Variants in CSMD1 observed in about 807,000 individuals in gnomAD.
CSMD1 encodes the protein CUB and Sushi multiple domains 1, also known as CUB and sushi domain-containing protein 1.
Under a neutral mutation model 417.5 loss-of-function variants are expected in CSMD1, and 213 were observed. That is an observed-to-expected ratio of 0.51 (90% confidence interval 0.46 to 0.57). CSMD1 has a LOEUF of 0.57. CSMD1 is among the 20% of genes least tolerant of loss of function. CSMD1 has a pLI of 0.00. For synonymous variants in CSMD1, 2,862 were observed against 1,736.8 expected, an observed-to-expected ratio of 1.65 and a Z score of -16.11; for missense variants, 6,923 against 4,529.7, an observed-to-expected ratio of 1.53 and a Z score of -15.17.
At position 4,028,508 on chromosome 8, in the gene CSMD1, GA is replaced by G. The variant is rs368939894; in HGVS notation, c.610+3396del. Among the ~76,000 whole-genome samples, 737 of 149,322 alleles carry G rather than the reference GA, an allele frequency of 4.9e-3. 4 individuals are homozygous for G. The highest frequency in any genetic ancestry group is 0.016 in the African/African-American group (666 of 40,724). On this transcript the variant is annotated intron_variant, in intron 4 of 69. Coordinates refer to ENST00000635120, the MANE Select transcript of CSMD1 (RefSeq NM_033225.6). The stretch of plus-strand genomic sequence containing the variant: ...AGACTCTAACATTTTACAAAAAAAG[GA>G]AAAAAAAATAGGCAAATATGCAATA...
At chr8:4,024,256 A>G (rs752277910) in intron 4 of CSMD1, among the ~76,000 whole-genome samples, 2 of 152,226 alleles carry the variant, frequency 1.3e-5, no homozygotes, top group African/African-American at 4.8e-5. Context: ...CAAGGTGTCA[A>G]TTGAGAAAGT....
intron 1 of CSMD1, among the ~76,000 whole-genome samples, chr8:4,761,128 G>C (rs1812013748): frequency 6.6e-6 from 1 of 151,974 alleles, no homozygotes; most frequent in African/African-American, 2.4e-5. Context: ...ATGCAAAAGA[G>C]TCTTCTACAC....
At chr8:3,112,054 C>G (rs1453675813) in intron 42 of CSMD1, among the ~76,000 whole-genome samples, 1 of 151,942 alleles carries the variant, frequency 6.6e-6, no homozygotes, top group African/African-American at 2.4e-5. Context: ...CTCTAGAGGT[C>G]CAGGCTCTGC....
chr8:4,644,822 G>T (rs1047344219), intron 1 of CSMD1, among the ~76,000 whole-genome samples: 1 of 152,218 alleles, frequency 6.6e-6, no homozygotes, highest in Non-Finnish European at 1.5e-5. Flanking sequence ...CAAGAGTGAA[G>T]ATAATGATTG....
chr8:4,225,752 C>T (rs1232841656), intron 3 of CSMD1, among the ~76,000 whole-genome samples: 2 of 152,216 alleles, frequency 1.3e-5, no homozygotes, highest in East Asian at 3.9e-4. Context: ...GTAAAGGTTT[C>T]AATGGGGCCA....
intron 5 of CSMD1, among the ~76,000 whole-genome samples, chr8:3,754,674 C>G (rs917630338): frequency 6.6e-6 from 1 of 152,160 alleles, no homozygotes; most frequent in Non-Finnish European, 1.5e-5. Context: ...AGGCTGGTCT[C>G]GAACTTGTGA....
chr8:3,508,695 T>A (rs1190418904), intron 10 of CSMD1, among the ~76,000 whole-genome samples: 3 of 152,208 alleles, frequency 2.0e-5, no homozygotes, highest in Non-Finnish European at 2.9e-5. Flanking sequence ...GAAAATTTTC[T>A]GCGAGTTTTA....
intron 3 of CSMD1, among the ~76,000 whole-genome samples, chr8:4,295,137 T>C (rs533217130): frequency 1.1e-3 from 146 of 131,772 alleles, no homozygotes; most frequent in Non-Finnish European, 1.3e-3. Flanking sequence ...CTTAAGATTA[T>C]ATAATCTTAA....
chr8:4,878,522 T>C (rs1250429443), intron 1 of CSMD1, among the ~76,000 whole-genome samples: 3 of 151,876 alleles, frequency 2.0e-5, no homozygotes, highest in Non-Finnish European at 1.5e-5. Flanking sequence ...TTTATTATTA[T>C]TCAGAATGAT....
In CSMD1 at chr8:3,046,929, C is replaced by T. The variant is rs189247655; in HGVS notation, c.7660+5533G>A. Among the ~76,000 whole-genome samples the T allele has an allele frequency of 3.1e-3, 473 of 152,252 alleles. 1 individual carries two copies. Among genetic ancestry groups the T allele is most frequent in the African/African-American group, 0.011 (451 of 41,558 alleles). On this transcript the variant is annotated intron_variant, in intron 50 of 69. Transcript: ENST00000635120. ...ATGTCTAGAGTGACTCTTCAAAGAG[C>T]CGCTCTGGGCCAGGCGCAGTGGCTG... is the stretch of plus-strand genomic sequence containing the variant.
At chr8:4,696,696 T>C (rs1264285622) in intron 1 of CSMD1, among the ~76,000 whole-genome samples, 1 of 152,224 alleles carries the variant, frequency 6.6e-6, no homozygotes, top group African/African-American at 2.4e-5. Flanking sequence ...GTATGACCCA[T>C]GAAGGCAAGG....
intron 3 of CSMD1, among the ~76,000 whole-genome samples, chr8:4,395,695 T>C (rs886405865): frequency 1.3e-5 from 2 of 152,102 alleles, no homozygotes; most frequent in Non-Finnish European, 2.9e-5. Context: ...AACACAAACA[T>C]GTATGATGAA....
intron 5 of CSMD1, among the ~76,000 whole-genome samples, chr8:3,973,732 T>C (rs374868865): frequency 6.6e-6 from 1 of 152,222 alleles, no homozygotes; most frequent in African/African-American, 2.4e-5. Flanking sequence ...ACAGTGGCTA[T>C]TTCATTGATA....
intron 5 of CSMD1, among the ~76,000 whole-genome samples, chr8:3,916,885 T>C (rs950105812): frequency 2.7e-5 from 4 of 150,200 alleles, no homozygotes; most frequent in African/African-American, 9.7e-5. Context: ...CCCTAGCTGG[T>C]CATGAAACAG....
At chr8:4,479,519 C>T (rs1205900715) in intron 2 of CSMD1, among the ~76,000 whole-genome samples, 1 of 152,138 alleles carries the variant, frequency 6.6e-6, no homozygotes, top group Non-Finnish European at 1.5e-5. Context: ...AATACCTTTG[C>T]CTCTTATTTA....
At chr8:4,566,888 T>A (rs536303610) in intron 2 of CSMD1, among the ~76,000 whole-genome samples, 1 of 32,948 alleles carries the variant, frequency 3.0e-5, no homozygotes, top group East Asian at 9.8e-4. Flanking sequence ...GGCTGAATGT[T>A]TTCCAGCAAT....
chr8:4,201,331 G>C (rs1332083015), intron 3 of CSMD1, among the ~76,000 whole-genome samples: 1 of 152,026 alleles, frequency 6.6e-6, no homozygotes, highest in African/African-American at 2.4e-5. Flanking sequence ...GAGGTCAGGA[G>C]ATCGAGACCA....
chr8:3,369,332 C>G lies in CSMD1; in HGVS notation c.2821G>C (p.Val941Leu), dbSNP rs755556192. Residue 941 changes from valine to leucine, a missense_variant, in exon 19 of 70, where the codon GTC becomes CTC. Transcript: ENST00000635120. ...AAATCTGGAAACCCAGGAGAAAGGA[C>G]TGTTCCACTCTTCCCTTGGATGTAG... ...GGYIQGKSGT[V>L]LSPGFPDFYP... 5 of 1,602,596 alleles carry G rather than the reference C, an allele frequency of 3.1e-6. No homozygotes were observed. Among genetic ancestry groups the G allele is most frequent in the Non-Finnish European group, 4.3e-6 (5 of 1,170,196 alleles).
intron 3 of CSMD1, among the ~76,000 whole-genome samples, chr8:4,365,558 G>C (rs1802021789): frequency 6.6e-6 from 1 of 152,180 alleles, no homozygotes; most frequent in African/African-American, 2.4e-5. Flanking sequence ...ACTTATGATT[G>C]TGCCTCTTAT....
Sources: gnomAD v4.1 joint callset for allele counts (sites outside exome capture counted in the v4.1 genomes callset) on GRCh38, gnomAD v4.1.1 for gene constraint, MANE v1.5 for transcripts, NCBI Gene and HGNC (gene_info 2026-07-23, HGNC 2026-07-21) for gene names.